Variants in UNC79 observed in about 807,000 individuals in gnomAD.
The protein encoded by UNC79 is protein unc-79 homolog.
UNC79 carries 37 observed loss-of-function variants against 283.1 expected under a neutral mutation model. The observed-to-expected ratio is 0.13, with a 90% CI of 0.10 to 0.17. The LOEUF is 0.17. Among genes scored for constraint, UNC79 ranks in the 10% least tolerant of loss-of-function variants. UNC79 has a pLI of 1.00. For synonymous variants in UNC79, 1,107 were observed against 1,200.2 expected (o/e 0.92, Z 1.61); for missense variants, 2,272 against 3,211.1 (o/e 0.71, Z 7.07).
intron 7 of UNC79, among the ~76,000 whole-genome samples, chr14:93,512,999 G>A (rs1471778537): frequency 1.3e-5 from 2 of 152,008 alleles, no homozygotes; most frequent in African/African-American, 2.4e-5. Context: ...ATTCTAAAAA[G>A]CATTGTATTT....
At chr14:93,701,567 T>C (rs907547779) in intron 47 of UNC79, among the ~76,000 whole-genome samples, 10 of 152,350 alleles carry the variant, frequency 6.6e-5, no homozygotes, top group African/African-American at 2.4e-4. Flanking sequence ...CAACCAACTT[T>C]ACTCCATCAT....
chr14:93,404,640 A>T (rs927143622), intron 1 of UNC79, among the ~76,000 whole-genome samples: 1 of 149,112 alleles, frequency 6.7e-6, no homozygotes, highest in African/African-American at 2.4e-5. Context: ...TTATATTAAA[A>T]GTAAGATGGG....
intron 1 of UNC79, among the ~76,000 whole-genome samples, chr14:93,442,026 C>T (rs541335368): frequency 3.3e-5 from 5 of 152,196 alleles, no homozygotes; most frequent in Admixed American, 6.5e-5. Context: ...ACTTATATTT[C>T]GCCAACTTGA....
rs1022151124 is a variant in UNC79 at position 93,455,942 on chromosome 14, GTGTA to G, written c.23-11725_23-11722del. Among the ~76,000 whole-genome samples the G allele has an allele frequency of 2.2e-3, 329 of 150,416 alleles. 4 individuals are homozygous for G. Among genetic ancestry groups the G allele is most frequent in the Non-Finnish European group, 3.3e-3 (226 of 67,610 alleles). On this transcript the variant is annotated intron_variant, in intron 1 of 48. Coordinates refer to ENST00000555664, the Ensembl canonical transcript of UNC79. ...TGTGTGTGTGTGTGTGTGTGTGTGT[GTGTA>G]TGTGTGTGAAAAGCTCTCATTGTTG...
chr14:93,477,634 C>G (rs191837926), exon 4 of UNC79: 7 of 1,612,990 alleles, frequency 4.3e-6, no homozygotes, highest in Admixed American at 1.7e-5. Context: ...GTACTTTGCC[C>G]TACACGATGA....
At position 93,604,977 on chromosome 14, in the gene UNC79, A is replaced by T; in HGVS notation, c.3754+1559A>T. ...CAGACGCCAGGTGGGTACTTCTGAC[A>T]TTGAAGGGCCATGTACAAGTGTCTA... On this transcript the variant is annotated intron_variant, in intron 26 of 48. Transcript: ENST00000555664. 1 of 1,570,974 alleles carries T rather than the reference A, an allele frequency of 6.4e-7. No homozygotes were observed. The highest frequency in any genetic ancestry group is 8.6e-7 in the Non-Finnish European group (1 of 1,165,808).
chr14:93,660,563 A>ATATATGTGTG (rs1203621990), intron 39 of UNC79, among the ~76,000 whole-genome samples: 53 of 64,764 alleles, frequency 8.2e-4, no homozygotes, highest in African/African-American at 1.2e-3. Flanking sequence ...ATATATATAT[A>ATATATGTGTG]TGTGTGTGTG....
At chr14:93,560,098 G>A (rs756328982) in intron 14 of UNC79, among the ~76,000 whole-genome samples, 2 of 151,988 alleles carry the variant, frequency 1.3e-5, no homozygotes, top group African/African-American at 2.4e-5. Flanking sequence ...GCCTGGATAC[G>A]GTTTTGGATT....
At chr14:93,667,875 A>G (rs2072391101) in intron 40 of UNC79, among the ~76,000 whole-genome samples, 2 of 152,224 alleles carry the variant, frequency 1.3e-5, no homozygotes. Context: ...ACATCTATTA[A>G]TATCACCATG....
At chr14:93,495,211 T>G (rs566837734) in intron 5 of UNC79, among the ~76,000 whole-genome samples, 3 of 152,300 alleles carry the variant, frequency 2.0e-5, no homozygotes, top group African/African-American at 7.2e-5. Flanking sequence ...CTGAGTAATT[T>G]ATAAAGAAAA....
At chr14:93,559,304 G>A (rs966872486) in intron 14 of UNC79, among the ~76,000 whole-genome samples, 5 of 152,346 alleles carry the variant, frequency 3.3e-5, no homozygotes, top group African/African-American at 9.6e-5. Context: ...AGGTATGGCC[G>A]CTTCAACGGC....
chr14:93,445,972 A>G (rs2056448255), intron 1 of UNC79, among the ~76,000 whole-genome samples: 2 of 151,914 alleles, frequency 1.3e-5, no homozygotes, highest in African/African-American at 2.4e-5. Flanking sequence ...ATTTGTTGCT[A>G]TGTTCCTCTT....
intron 1 of UNC79, among the ~76,000 whole-genome samples, chr14:93,450,773 T>G (rs1290999914): frequency 6.6e-6 from 1 of 152,220 alleles, no homozygotes; most frequent in African/African-American, 2.4e-5. Flanking sequence ...TATGTGTCTA[T>G]TTTTACTCAT....
At chr14:93,657,110 AC>A (rs1470904993) in intron 38 of UNC79, among the ~76,000 whole-genome samples, 1 of 152,168 alleles carries the variant, frequency 6.6e-6, no homozygotes, top group East Asian at 1.9e-4. Context: ...AGGGATCTTT[AC>A]CACCTCTTAT....
At chr14:93,494,361 G>A (rs897804880) in intron 5 of UNC79, among the ~76,000 whole-genome samples, 1 of 152,130 alleles carries the variant, frequency 6.6e-6, no homozygotes, top group Admixed American at 6.6e-5. Context: ...AGATTTGGTG[G>A]GGACACAGAT....
intron 1 of UNC79, among the ~76,000 whole-genome samples, chr14:93,355,210 CT>C (rs1389588809): frequency 4.0e-5 from 6 of 151,134 alleles, no homozygotes; most frequent in African/African-American, 7.3e-5. Flanking sequence ...TTTTTTCCCC[CT>C]GAGACAGAGT....
At chr14:93,428,148 A>G (rs1895835189), upstream of UNC79, among the ~76,000 whole-genome samples, 1 of 152,160 alleles carries the variant, frequency 6.6e-6, no homozygotes, top group South Asian at 2.1e-4. Flanking sequence ...TTCAGCCACA[A>G]TTTGATAGCA....
exon 41 of UNC79, chr14:93,673,398 G>T (rs2073059837): frequency 6.2e-7 from 1 of 1,613,208 alleles, no homozygotes; most frequent in Admixed American, 1.7e-5. Flanking sequence ...TAGAACTTCT[G>T]CAGGCCCTAA....
In UNC79 at chr14:93,617,132, A is replaced by G; in HGVS notation, c.4052A>G (p.Tyr1351Cys). 1 of 1,613,174 alleles carries G rather than the reference A, an allele frequency of 6.2e-7. No individual in the cohort carries two copies. The highest frequency in any genetic ancestry group is 8.5e-7 in the Non-Finnish European group (1 of 1,179,442). ...TTTTTTCTATTTCAGGTTATGGACT[A>G]TAACATTAACTTGGGAAAACACCTT... is the stretch of plus-strand genomic sequence containing the variant. The change falls in exon 28 of 49, where the codon TAT becomes TGT. Residue 1351 changes from tyrosine to cysteine, a missense_variant. By Grantham distance (194) the Tyr-to-Cys change is radical (BLOSUM62 -2). Coordinates refer to ENST00000555664, the Ensembl canonical transcript of UNC79. This position sits in a 1 kb window ranked among gnomAD's most constrained non-coding sequence, Gnocchi z 4.5.
Sources: gnomAD v4.1 joint callset for allele counts (sites outside exome capture counted in the v4.1 genomes callset) on GRCh38, gnomAD v4.1.1 for gene constraint, Gnocchi (gnomAD v3.1) non-coding constraint, MANE v1.5 for transcripts, NCBI Gene and HGNC (gene_info 2026-07-23, HGNC 2026-07-21) for gene names.